The following RAP1A variants were observed in gnomAD, a reference collection of about 807,000 sequenced individuals.
RAP1A encodes the protein ras-related protein Rap-1A.
In RAP1A, 6 loss-of-function variants were observed where a neutral mutation model predicts 26.4. That is an observed-to-expected ratio of 0.23 (90% CI 0.12 to 0.45). The LOEUF (loss-of-function observed/expected upper bound fraction) is 0.45. Among genes scored for constraint, RAP1A ranks in the 20% least tolerant of loss-of-function variants. The probability of loss-of-function intolerance (pLI) is 0.99; values close to 1 mark genes in which losing one functional copy is unlikely to be tolerated. For missense variants in RAP1A, 121 were observed against 217.2 expected, an observed-to-expected ratio of 0.56 and a Z score of 2.78; for synonymous variants, 73 against 79.4, an observed-to-expected ratio of 0.92 and a Z score of 0.43.
chr1:111,653,706 AAAAG>A (rs1479087818), intron 1 of RAP1A, among the ~76,000 whole-genome samples: 2 of 148,014 alleles, frequency 1.4e-5, no homozygotes, highest in Non-Finnish European at 3.0e-5. Flanking sequence ...AAAAAAAAAA[AAAAG>A]GTGGATTTTA....
intron 1 of RAP1A, among the ~76,000 whole-genome samples, chr1:111,642,581 A>G (rs1164185108): frequency 6.6e-6 from 1 of 150,618 alleles, no homozygotes. Flanking sequence ...TCCGCTTCCT[A>G]GGTTCACGCC....
At chr1:111,683,517 C>T (rs1005706032) in intron 1 of RAP1A, among the ~76,000 whole-genome samples, 3 of 152,036 alleles carry the variant, frequency 2.0e-5, no homozygotes, top group African/African-American at 7.3e-5. Context: ...AAACTACCAC[C>T]AGAGAATATA....
intron 1 of RAP1A, among the ~76,000 whole-genome samples, chr1:111,546,452 C>T (rs537715640): frequency 1.3e-5 from 2 of 152,206 alleles, no homozygotes; most frequent in East Asian, 3.9e-4. Context: ...TGGGAAGCAT[C>T]GTTCTTCTCC....
intron 4 of RAP1A, among the ~76,000 whole-genome samples, chr1:111,697,835 C>T (rs1187391459): frequency 2.6e-5 from 4 of 151,980 alleles, no homozygotes; most frequent in African/African-American, 9.7e-5. Context: ...TCTCTTGGCA[C>T]CATAGTCATT....
chr1:111,667,257 T>C (rs114572267), intron 1 of RAP1A, among the ~76,000 whole-genome samples: 1 of 152,254 alleles, frequency 6.6e-6, no homozygotes, highest in African/African-American at 2.4e-5. Context: ...CTCCACTCTT[T>C]AAAAAAATGG....
intron 4 of RAP1A, among the ~76,000 whole-genome samples, chr1:111,698,935 C>CT (rs1380773063): frequency 7.1e-6 from 1 of 140,478 alleles, no homozygotes; most frequent in Non-Finnish European, 1.6e-5. Flanking sequence ...AAAATGAATA[C>CT]TTTCTGCTTT....
intron 1 of RAP1A, among the ~76,000 whole-genome samples, chr1:111,600,668 T>C (rs1658654823): frequency 6.6e-6 from 1 of 152,172 alleles, no homozygotes; most frequent in African/African-American, 2.4e-5. Context: ...CAGAGCAGTG[T>C]GGGGAGGGCA....
chr1:111,576,801 G>A lies in RAP1A; in HGVS notation c.-28+34292G>A, dbSNP rs74109809. ...AAAGTCATTAACGAAGCTACTAGGA[G>A]GTAGGCCTCCACGTGGCCTGCAGCC... On this transcript the variant is annotated intron_variant, in intron 1 of 7. Transcript: ENST00000356415. Among the ~76,000 whole-genome samples the A allele has an allele frequency of 8.2e-3, 1,251 of 152,334 alleles. 7 individuals are homozygous for A. Among genetic ancestry groups the A allele is most frequent in the African/African-American group, 0.029 (1,204 of 41,568 alleles).
chr1:111,606,243 T>G (rs1331228862), intron 1 of RAP1A, among the ~76,000 whole-genome samples: 2 of 152,210 alleles, frequency 1.3e-5, no homozygotes, highest in Non-Finnish European at 2.9e-5. Context: ...TTAGGTGTGG[T>G]GTTGCCTAAA....
At chr1:111,566,803 C>G (rs141824195) in intron 1 of RAP1A, among the ~76,000 whole-genome samples, 2 of 151,454 alleles carry the variant, frequency 1.3e-5, no homozygotes, top group East Asian at 3.9e-4. Flanking sequence ...CACACTCCAT[C>G]TCAGCAACCC....
chr1:111,590,441 G>A (rs1409647216), intron 1 of RAP1A, among the ~76,000 whole-genome samples: 1 of 152,120 alleles, frequency 6.6e-6, no homozygotes, highest in Non-Finnish European at 1.5e-5. Context: ...CCTTTATCAA[G>A]TTAGGGAATT....
At chr1:111,576,443 G>A (rs11806788) in intron 1 of RAP1A, among the ~76,000 whole-genome samples, 37,938 of 152,130 alleles carry the variant, frequency 0.25, 6,097 homozygotes, top group South Asian at 0.41. Context: ...GCTCAGGCAG[G>A]TAAAGTCATC....
chr1:111,656,859 T>TA (rs1171446381), intron 1 of RAP1A, among the ~76,000 whole-genome samples: 1 of 152,066 alleles, frequency 6.6e-6, no homozygotes, highest in Non-Finnish European at 1.5e-5. Context: ...ACACATAACA[T>TA]ACCATTGTAA....
chr1:111,597,057 C>A (rs1281256170), intron 1 of RAP1A, among the ~76,000 whole-genome samples: 2 of 152,286 alleles, frequency 1.3e-5, no homozygotes, highest in South Asian at 2.1e-4. Flanking sequence ...ATGTATTCCT[C>A]AAGATGTGTG....
chr1:111,625,890 C>T (rs1054299207), intron 1 of RAP1A, among the ~76,000 whole-genome samples: 3 of 152,148 alleles, frequency 2.0e-5, no homozygotes, highest in African/African-American at 4.8e-5. Flanking sequence ...TATCCTCCCA[C>T]TTCAGCCTCC....
chr1:111,702,544 A>G (rs752240155), intron 4 of RAP1A, among the ~76,000 whole-genome samples: 2 of 152,028 alleles, frequency 1.3e-5, no homozygotes, highest in African/African-American at 2.4e-5. Flanking sequence ...AATGAGGGGG[A>G]AAATGAAAAT....
At chr1:111,646,230 C>CT (rs976660903) in intron 1 of RAP1A, among the ~76,000 whole-genome samples, 3 of 151,826 alleles carry the variant, frequency 2.0e-5, no homozygotes, top group East Asian at 1.9e-4. Context: ...GTTTTTTACA[C>CT]TTTTTTTTCT....
chr1:111,545,136 A>G (rs886606903), intron 1 of RAP1A, among the ~76,000 whole-genome samples: 1 of 152,090 alleles, frequency 6.6e-6, no homozygotes, highest in Non-Finnish European at 1.5e-5. Flanking sequence ...TCTTGGGTAT[A>G]TACCAAGAAG....
At chr1:111,667,797 T>C (rs1490190393) in intron 1 of RAP1A, among the ~76,000 whole-genome samples, 1 of 152,162 alleles carries the variant, frequency 6.6e-6, no homozygotes, top group East Asian at 1.9e-4. Context: ...AAAGGAACAG[T>C]ATCAAGGAAC....
Sources: allele counts gnomAD v4.1 joint callset (sites outside exome capture counted in the v4.1 genomes callset), GRCh38; gene constraint gnomAD v4.1.1; transcripts MANE v1.5; gene names NCBI Gene and HGNC (gene_info 2026-07-23, HGNC 2026-07-21).